DMD: variants seen among roughly 807,000 people sequenced by gnomAD.
DMD encodes the protein dystrophin, also known as mutant dystrophin.
A neutral mutation model predicts 330.1 loss-of-function variants in DMD; 63 were observed. The observed-to-expected ratio is 0.19, with a 90% CI of 0.16 to 0.24. DMD has a LOEUF of 0.24. DMD is among the 10% of genes least tolerant of loss of function. DMD has a pLI of 1.00. For missense variants in DMD, 3,344 were observed against 2,684.1 expected (o/e 1.25, Z -5.43); for synonymous variants, 1,223 against 959.8 (o/e 1.27, Z -5.07).
Position 31,262,945 on chromosome X carries a change from G to A in DMD, c.9225-1929C>T, listed in dbSNP as rs189850044. Among the ~76,000 whole-genome samples the A allele has an allele frequency of 3.6e-5, 4 of 112,619 alleles. 1 individual carries two copies. The highest frequency in any genetic ancestry group is 7.5e-5 in the Non-Finnish European group (4 of 53,307). The stretch of plus-strand genomic sequence containing the variant: ...GCAAGGAAAGGTTACCTTCTATTGA[G>A]ACCACCCTGCATTCAGGCCTCCTCT... On this transcript the variant is annotated intron_variant, in intron 62 of 78. Transcript: ENST00000357033.
chrX:33,214,454 A>G (rs2052015902), upstream of DMD, among the ~76,000 whole-genome samples: 1 of 111,545 alleles, frequency 9.0e-6, no homozygotes, highest in African/African-American at 3.3e-5. Flanking sequence ...TCATTAACAT[A>G]GTACATATGT....
intron 44 of DMD, among the ~76,000 whole-genome samples, chrX:31,997,341 T>A (rs2095594440): frequency 9.0e-6 from 1 of 110,838 alleles, no homozygotes; most frequent in South Asian, 3.8e-4. Flanking sequence ...AGGGAAGCTT[T>A]AAAAAAATTC....
At chrX:32,859,668 TAC>T (rs765542618) in intron 2 of DMD, among the ~76,000 whole-genome samples, 1 of 111,695 alleles carries the variant, frequency 9.0e-6, no homozygotes, top group African/African-American at 3.3e-5. Context: ...ATGCAGATGG[TAC>T]AGAGGATGCA....
At chrX:31,649,534 G>C (rs944321445) in intron 54 of DMD, among the ~76,000 whole-genome samples, 2 of 110,849 alleles carry the variant, frequency 1.8e-5, no homozygotes, top group Non-Finnish European at 3.8e-5. Context: ...GGAGCCCCAA[G>C]ATTTCACATC....
chrX:31,488,556 T>C (rs2068998073), intron 57 of DMD, among the ~76,000 whole-genome samples: 1 of 112,016 alleles, frequency 8.9e-6, no homozygotes, highest in South Asian at 3.7e-4. Flanking sequence ...GCAACATCAT[T>C]ATTTTATTTG....
intron 1 of DMD, among the ~76,000 whole-genome samples, chrX:33,133,125 TA>T (rs72394170): frequency 0.039 from 4,214 of 108,754 alleles, 187 homozygotes; most frequent in African/African-American, 0.13. Context: ...TAGTAGTGGT[TA>T]AAAAAAAAGC....
intron 44 of DMD, among the ~76,000 whole-genome samples, chrX:32,178,972 CT>C (rs1352848906): frequency 3.9e-4 from 36 of 93,179 alleles, no homozygotes; most frequent in African/African-American, 1.3e-3. Flanking sequence ...CTCTCTCTCT[CT>C]CTCTCTCTCC....
At chrX:33,319,133 C>A (rs1030778163) in intron 1 of DMD, among the ~76,000 whole-genome samples, 2 of 110,563 alleles carry the variant, frequency 1.8e-5, no homozygotes, top group Non-Finnish European at 3.8e-5. Context: ...TGTCATCAGG[C>A]ACAGAGTGTG....
chrX:31,231,416 T>C (rs1426011888), intron 63 of DMD, among the ~76,000 whole-genome samples: 1 of 111,950 alleles, frequency 8.9e-6, no homozygotes, highest in Admixed American at 9.4e-5. Flanking sequence ...TTATAACTGC[T>C]TAAAAGACAT....
intron 1 of DMD, among the ~76,000 whole-genome samples, chrX:33,078,015 T>C (rs1209350266): frequency 8.9e-6 from 1 of 112,160 alleles, no homozygotes; most frequent in Non-Finnish European, 1.9e-5. Context: ...TAAATTGGCT[T>C]TGATGGAACT....
chrX:33,298,831 G>C (rs1278749259), intron 1 of DMD, among the ~76,000 whole-genome samples: 1 of 111,517 alleles, frequency 9.0e-6, no homozygotes, highest in Non-Finnish European at 1.9e-5. Flanking sequence ...TAGAACATCT[G>C]TCCAAAAGTG....
In DMD at chrX:32,348,900, T is replaced by G. The variant is rs190218042; in HGVS notation, c.5326-372A>C. ...TGGGTAAATATGTCTCATCAGAAAT[T>G]GCCTCATTTATCAAGTAACAGTAAC... On this transcript the variant is annotated intron_variant, in intron 37 of 78. Coordinates refer to ENST00000357033, the MANE Select transcript of DMD (RefSeq NM_004006.3). Among the ~76,000 whole-genome samples, 482 of 111,614 alleles carry G rather than the reference T, an allele frequency of 4.3e-3. 4 individuals are homozygous for G. The highest frequency in any genetic ancestry group is 0.015 in the African/African-American group (458 of 30,855).
At chrX:31,250,361 C>T (rs2049227673) in intron 63 of DMD, among the ~76,000 whole-genome samples, 1 of 111,734 alleles carries the variant, frequency 8.9e-6, no homozygotes, top group South Asian at 3.8e-4. Context: ...AAAACAATTG[C>T]TAAGGAGAGC....
At chrX:31,995,260 A>G (rs1460884161) in intron 44 of DMD, among the ~76,000 whole-genome samples, 1 of 111,946 alleles carries the variant, frequency 8.9e-6, no homozygotes, top group African/African-American at 3.2e-5. Context: ...TGAGTAGGCA[A>G]ATTTGAAAGT....
intron 29 of DMD, among the ~76,000 whole-genome samples, chrX:32,425,277 C>G (rs1218568311): frequency 9.0e-6 from 1 of 111,276 alleles, no homozygotes; most frequent in Non-Finnish European, 1.9e-5. Flanking sequence ...ACCTACTTCT[C>G]AGGGATAAAT....
intron 52 of DMD, among the ~76,000 whole-genome samples, chrX:31,717,140 C>T (rs930930262): frequency 2.7e-5 from 3 of 111,539 alleles, no homozygotes; most frequent in Non-Finnish European, 3.8e-5. Context: ...TCATCCAATT[C>T]GTATAAAGCA....
intron 1 of DMD, among the ~76,000 whole-genome samples, chrX:33,095,262 AT>A (rs772698770): frequency 8.9e-6 from 1 of 112,847 alleles, no homozygotes; most frequent in South Asian, 3.6e-4. Flanking sequence ...GCTTTTTAAA[AT>A]TCCATTACTT....
chrX:33,225,281 T>C (rs2052265141), intron 1 of DMD, among the ~76,000 whole-genome samples: 1 of 111,362 alleles, frequency 9.0e-6, no homozygotes, highest in South Asian at 3.8e-4. Context: ...AAGAATGAAG[T>C]AAGAGGAATA....
intron 4 of DMD, among the ~76,000 whole-genome samples, chrX:32,833,813 C>A (rs1291803202): frequency 9.2e-5 from 10 of 109,239 alleles, no homozygotes; most frequent in Non-Finnish European, 1.7e-4. Context: ...CCCAGCAGAC[C>A]TCCATATGTG....
Sources: gnomAD v4.1 joint callset for allele counts (sites outside exome capture counted in the v4.1 genomes callset) on GRCh38, gnomAD v4.1.1 for gene constraint, MANE v1.5 for transcripts, NCBI Gene and HGNC (gene_info 2026-07-23, HGNC 2026-07-21) for gene names.